ANKRD26: variants seen among roughly 807,000 people sequenced by gnomAD.
The protein encoded by ANKRD26 is ankyrin repeat domain-containing protein 26.
In ANKRD26, 141 loss-of-function variants were observed where a neutral mutation model predicts 208.7. The ratio of observed to expected loss-of-function variants is 0.68; its 90% confidence interval spans 0.59 to 0.78. The LOEUF (loss-of-function observed/expected upper bound fraction) is 0.78. Ranked by LOEUF, ANKRD26 falls within the 30% of genes least tolerant of loss-of-function variation. ANKRD26 has a pLI of 0.00. For synonymous variants in ANKRD26, 636 were observed against 660.4 expected (o/e 0.96, Z 0.57); for missense variants, 1,889 against 1,938.7 (o/e 0.97, Z 0.48).
intron 5 of ANKRD26, among the ~76,000 whole-genome samples, chr10:26,993,356 G>A (rs771399498): frequency 2.6e-5 from 4 of 152,162 alleles, no homozygotes; most frequent in East Asian, 1.9e-4. Flanking sequence ...GCCTTGTAAC[G>A]TAATAATGTG....
At chr10:27,080,265 A>C (rs1415660228) in intron 6 of ANKRD26, 1 of 152,732 alleles carries the variant, frequency 6.5e-6, no homozygotes, top group Non-Finnish European at 1.5e-5. Flanking sequence ...TTCAAAGACT[A>C]ATATGTGTCA....
chr10:27,053,479 AT>A, intron 15 of ANKRD26, 89 bp from the exon 16 acceptor site: 1 of 886,556 alleles, frequency 1.1e-6, no homozygotes, highest in African/African-American at 1.7e-5. Flanking sequence ...AATAATATTT[AT>A]TTTATTTTAT....
intron 5 of ANKRD26, among the ~76,000 whole-genome samples, chr10:27,084,218 C>CAA (rs1275450082): frequency 0.076 from 6,297 of 82,328 alleles, 654 homozygotes; most frequent in African/African-American, 0.21. Context: ...AACTACATCT[C>CAA]AAAAAAAAAA....
exon 5 of ANKRD26, chr10:26,995,146 C>G: frequency 4.2e-6 from 2 of 471,028 alleles, no homozygotes; most frequent in South Asian, 3.1e-5. Flanking sequence ...ATCAGAAGGT[C>G]CCTGGAATAG....
At chr10:27,012,282 T>C (rs2053139158) in intron 32 of ANKRD26, among the ~76,000 whole-genome samples, 1 of 152,132 alleles carries the variant, frequency 6.6e-6, no homozygotes, top group Non-Finnish European at 1.5e-5. Context: ...GGCAATAATA[T>C]TCCATTTCTA....
chr10:26,957,233 CA>C, the ANKRD26 span, among the ~76,000 whole-genome samples: 5 of 152,206 alleles, frequency 3.3e-5, no homozygotes, highest in African/African-American at 1.2e-4. Context: ...CATGGCTGTA[CA>C]AAAATTAGCC....
intron 6 of ANKRD26, among the ~76,000 whole-genome samples, chr10:27,082,494 T>C (rs2055957320): frequency 6.6e-6 from 1 of 152,150 alleles, no homozygotes; most frequent in South Asian, 2.1e-4. Flanking sequence ...TTTGGACCTG[T>C]ACCTTGATCC....
At chr10:27,091,486 A>C (rs1159687256) in intron 4 of ANKRD26, among the ~76,000 whole-genome samples, 1 of 152,232 alleles carries the variant, frequency 6.6e-6, no homozygotes, top group Non-Finnish European at 1.5e-5. Context: ...AAAAGGAAAA[A>C]AATAATGAAA....
chr10:27,049,022 T>G, intron 16 of ANKRD26, 43 bp from the exon 17 acceptor site: 1 of 1,455,610 alleles, frequency 6.9e-7, no homozygotes, highest in South Asian at 1.3e-5. Flanking sequence ...ATTACTTTAT[T>G]CAATAATAAT....
intron 5 of ANKRD26, among the ~76,000 whole-genome samples, chr10:27,084,218 CAA>C (rs1275450082): frequency 6.1e-5 from 5 of 82,454 alleles, no homozygotes; most frequent in Non-Finnish European, 1.2e-4. Context: ...AACTACATCT[CAA>C]AAAAAAAAAA....
chr10:26,963,428 T>C, the ANKRD26 span, among the ~76,000 whole-genome samples: 711 of 152,322 alleles, frequency 4.7e-3, 4 homozygotes, highest in African/African-American at 0.016. Flanking sequence ...TGGCACAGTC[T>C]TGTAAAATGC....
chr10:26,975,629 G>A (rs1432050009), exon 6 of ANKRD26, among the ~76,000 whole-genome samples: 1 of 151,852 alleles, frequency 6.6e-6, no homozygotes, highest in Admixed American at 6.6e-5. Context: ...ATCACCTGAG[G>A]TCAGGAGTTC....
At chr10:27,083,035 C>A (rs2055985233) in intron 5 of ANKRD26, among the ~76,000 whole-genome samples, 1 of 152,130 alleles carries the variant, frequency 6.6e-6, no homozygotes, top group African/African-American at 2.4e-5. Context: ...ACCTGCCACT[C>A]TTCTCTACTC....
chr10:27,070,531 C>A (rs539701675), intron 9 of ANKRD26, among the ~76,000 whole-genome samples: 1 of 152,288 alleles, frequency 6.6e-6, no homozygotes, highest in African/African-American at 2.4e-5. Context: ...CAACAGGATT[C>A]TGAGTTTTAG....
chr10:27,045,865 C>G (rs2054424368), intron 18 of ANKRD26, among the ~76,000 whole-genome samples: 2 of 152,100 alleles, frequency 1.3e-5, no homozygotes, highest in Non-Finnish European at 1.5e-5. Flanking sequence ...TGAACAACCT[C>G]TTAGCAAAAA....
Position 27,024,473 on chromosome 10 carries a change from AT to A in ANKRD26, c.4058del (p.Asn1353MetfsTer4). On this transcript the variant is annotated frameshift_variant, in exon 28 of 34. Transcript: ENST00000376087. LOFTEE classifies it high-confidence loss of function. ...ECNLDQEMKK[N>X]VELEREITGF... The stretch of plus-strand genomic sequence containing the variant: ...CAGTTATCTCTCTTTCTAATTCAAC[AT>A]TTTTCTTCATTTCTTGATCCAAATT... 1.3e-6 allele frequency: 2 copies of A among 1,551,272 alleles called. No homozygotes were observed. The highest frequency in any genetic ancestry group is 1.8e-6 in the Non-Finnish European group (2 of 1,127,300).
At chr10:26,969,415 C>T (rs1041046698), downstream of ANKRD26, among the ~76,000 whole-genome samples, 2 of 152,210 alleles carry the variant, frequency 1.3e-5, no homozygotes, top group Non-Finnish European at 2.9e-5. Context: ...AAACCAGCCA[C>T]ACACATCAAA....
intron 3 of ANKRD26, among the ~76,000 whole-genome samples, chr10:26,985,424 G>C (rs901639515): frequency 1.3e-5 from 2 of 152,082 alleles, no homozygotes; most frequent in African/African-American, 4.8e-5. Context: ...ATCATATTTC[G>C]CTTTCCAGTG....
chr10:27,023,363 T>C (rs1208822570), intron 28 of ANKRD26, among the ~76,000 whole-genome samples: 12 of 148,624 alleles, frequency 8.1e-5, no homozygotes, highest in Non-Finnish European at 4.5e-5. Flanking sequence ...AAGAAAAGCA[T>C]ACACATACTT....
Sources: allele counts gnomAD v4.1 joint callset (sites outside exome capture counted in the v4.1 genomes callset), GRCh38; gene constraint gnomAD v4.1.1; transcripts MANE v1.5; gene names NCBI Gene and HGNC (gene_info 2026-07-23, HGNC 2026-07-21).